Variants in WWOX observed in about 807,000 individuals in gnomAD.
WWOX encodes the protein WW domain containing oxidoreductase.
In WWOX, 69 loss-of-function variants were observed where a neutral mutation model predicts 46.2. The ratio of observed to expected loss-of-function variants is 1.49; its 90% CI spans 1.23 to 1.82. The LOEUF (loss-of-function observed/expected upper bound fraction) is 1.82, where lower values mean the gene tolerates loss of function less well. Ranked by LOEUF, WWOX falls within the 40% of genes most tolerant of loss-of-function variation. The probability of loss-of-function intolerance (pLI) is 0.00; values close to 1 mark genes in which losing one functional copy is unlikely to be tolerated. For synonymous variants in WWOX, 359 were observed against 202.6 expected, an observed-to-expected ratio of 1.77 and a Z score of -6.56; for missense variants, 919 against 542.6, an observed-to-expected ratio of 1.69 and a Z score of -6.89.
intron 8 of WWOX, among the ~76,000 whole-genome samples, chr16:78,832,680 G>T (rs1442322357): frequency 2.0e-5 from 3 of 152,116 alleles, no homozygotes; most frequent in African/African-American, 7.2e-5. Context: ...GTCCTGTGGT[G>T]GCCCTCTCAG....
chr16:78,394,036 A>G (rs1434529245), intron 6 of WWOX, among the ~76,000 whole-genome samples: 1 of 152,212 alleles, frequency 6.6e-6, no homozygotes, highest in Admixed American at 6.5e-5. Context: ...TCTCAAATCC[A>G]TCTAGGGAAG....
intron 8 of WWOX, among the ~76,000 whole-genome samples, chr16:78,925,059 G>A (rs1415926506): frequency 6.6e-6 from 1 of 152,150 alleles, no homozygotes; most frequent in African/African-American, 2.4e-5. Context: ...GCCAGGCATG[G>A]TGGTGTGTGC....
chr16:78,442,049 A>T (rs1386935871), intron 8 of WWOX, among the ~76,000 whole-genome samples: 1 of 150,992 alleles, frequency 6.6e-6, no homozygotes, highest in Non-Finnish European at 1.5e-5. Context: ...AGCTGGGAGG[A>T]TGACTTGAGC....
chr16:79,164,002 T>C (rs1335153257), intron 8 of WWOX, among the ~76,000 whole-genome samples: 1 of 151,618 alleles, frequency 6.6e-6, no homozygotes, highest in East Asian at 1.9e-4. Context: ...AAATAAACAG[T>C]GAGAAGTATA....
intron 4 of WWOX, among the ~76,000 whole-genome samples, chr16:78,150,482 C>T (rs1393700148): frequency 6.6e-6 from 1 of 152,164 alleles, no homozygotes; most frequent in Admixed American, 6.5e-5. Context: ...AGGCTAAAGC[C>T]ATCCTCCTGC....
At chr16:78,725,566 C>A (rs1176789440) in intron 8 of WWOX, among the ~76,000 whole-genome samples, 1 of 151,582 alleles carries the variant, frequency 6.6e-6, no homozygotes, top group Admixed American at 6.6e-5. Context: ...ACGGTGGTCT[C>A]AAAATCCTGA....
intron 8 of WWOX, among the ~76,000 whole-genome samples, chr16:78,437,146 C>T (rs765955305): frequency 1.3e-4 from 20 of 152,178 alleles, no homozygotes; most frequent in African/African-American, 4.1e-4. Flanking sequence ...GACTTGCGCT[C>T]GGAAGCCCTG....
intron 8 of WWOX, among the ~76,000 whole-genome samples, chr16:79,190,759 G>C (rs753138817): frequency 6.6e-6 from 1 of 152,170 alleles, no homozygotes; most frequent in Non-Finnish European, 1.5e-5. Context: ...ACACAGCCAG[G>C]TGCATTTGTT....
chr16:78,287,376 C>G (rs2079786486), intron 5 of WWOX, among the ~76,000 whole-genome samples: 1 of 152,120 alleles, frequency 6.6e-6, no homozygotes, highest in Non-Finnish European at 1.5e-5. Flanking sequence ...AGACATCAAC[C>G]TGGTTTTGAA....
At chr16:78,775,578 C>T (rs1167032277) in intron 8 of WWOX, among the ~76,000 whole-genome samples, 1 of 152,088 alleles carries the variant, frequency 6.6e-6, no homozygotes, top group Non-Finnish European at 1.5e-5. Flanking sequence ...CCTTGGAGGG[C>T]ATGGTGTTTC....
At chr16:78,275,626 C>G (rs1306249203) in intron 5 of WWOX, among the ~76,000 whole-genome samples, 1 of 152,154 alleles carries the variant, frequency 6.6e-6, no homozygotes, top group African/African-American at 2.4e-5. Flanking sequence ...ATGGCAGGCT[C>G]CCAGTAATCC....
chr16:78,683,462 C>T (rs1271121069), intron 8 of WWOX, among the ~76,000 whole-genome samples: 5 of 151,826 alleles, frequency 3.3e-5, no homozygotes, highest in African/African-American at 1.2e-4. Flanking sequence ...ATCACTTGAA[C>T]CGGGGAGGTG....
intron 8 of WWOX, among the ~76,000 whole-genome samples, chr16:78,826,918 T>C (rs1297987223): frequency 2.0e-5 from 3 of 152,194 alleles, no homozygotes; most frequent in Non-Finnish European, 2.9e-5. Context: ...GATCACACAC[T>C]ACATGCCGGA....
At chr16:78,401,915 G>A (rs2082422720) in intron 6 of WWOX, among the ~76,000 whole-genome samples, 2 of 151,994 alleles carry the variant, frequency 1.3e-5, no homozygotes, top group South Asian at 2.1e-4. Flanking sequence ...GGTTAAGCTG[G>A]TCTCAAACTC....
chr16:79,200,845 G>T (rs911257522), intron 8 of WWOX, among the ~76,000 whole-genome samples: 1 of 152,150 alleles, frequency 6.6e-6, no homozygotes, highest in African/African-American at 2.4e-5. Flanking sequence ...CAGGTGACAG[G>T]CGAGTCTCTA....
intron 8 of WWOX, among the ~76,000 whole-genome samples, chr16:79,005,758 T>C (rs898501479): frequency 6.6e-6 from 1 of 152,206 alleles, no homozygotes; most frequent in Non-Finnish European, 1.5e-5. Flanking sequence ...AAAGACCCTA[T>C]TTCCAAATAA....
chr16:78,269,914 G>GT (rs71137883), intron 5 of WWOX, among the ~76,000 whole-genome samples: 10,711 of 125,620 alleles, frequency 0.085, 540 homozygotes, highest in East Asian at 0.24. Context: ...ACATAAGGAA[G>GT]TTTTTTTTTT....
chr16:78,589,822 A>C (rs982560009), intron 8 of WWOX, among the ~76,000 whole-genome samples: 12 of 152,182 alleles, frequency 7.9e-5, no homozygotes, highest in Non-Finnish European at 1.0e-4. Flanking sequence ...TCTGTAGAAT[A>C]ACATGTGGAC....
intron 8 of WWOX, among the ~76,000 whole-genome samples, chr16:78,810,568 C>G (rs1183446464): frequency 5.9e-5 from 9 of 152,318 alleles, no homozygotes; most frequent in Admixed American, 5.9e-4. Context: ...AAGCATTTCC[C>G]TGCTACCATG....
Sources: gnomAD v4.1 joint callset for allele counts (sites outside exome capture counted in the v4.1 genomes callset) on GRCh38, gnomAD v4.1.1 for gene constraint, MANE v1.5 for transcripts, NCBI Gene and HGNC (gene_info 2026-07-23, HGNC 2026-07-21) for gene names.